The following SORCS1 variants were observed in gnomAD, a reference collection of about 807,000 sequenced individuals.
The protein encoded by SORCS1 is VPS10 domain-containing receptor SorCS1.
Under a neutral mutation model 146.1 loss-of-function variants are expected in SORCS1, and 60 were observed. The observed-to-expected ratio is 0.41, with a 90% CI of 0.33 to 0.51. SORCS1 has a LOEUF of 0.51. Ranked by LOEUF, SORCS1 falls within the 20% of genes least tolerant of loss-of-function variation. The pLI, the probability that SORCS1 is intolerant of heterozygous loss-of-function variation, is 0.21. For synonymous variants in SORCS1, 637 were observed against 584.0 expected, an observed-to-expected ratio of 1.09 and a Z score of -1.31; for missense variants, 1,352 against 1,487.6, an observed-to-expected ratio of 0.91 and a Z score of 1.50.
intron 2 of SORCS1, among the ~76,000 whole-genome samples, chr10:106,849,540 C>T (rs1429323836): frequency 2.0e-5 from 3 of 149,996 alleles, no homozygotes; most frequent in Admixed American, 2.0e-4. Flanking sequence ...AATGTCCTCC[C>T]GTAGCTCAGA....
chr10:107,143,417 T>A (rs1411134345), intron 1 of SORCS1, among the ~76,000 whole-genome samples: 1 of 152,120 alleles, frequency 6.6e-6, no homozygotes, highest in African/African-American at 2.4e-5. Flanking sequence ...AACTTACACC[T>A]CCAGGGCTCA....
intron 1 of SORCS1, among the ~76,000 whole-genome samples, chr10:107,161,991 A>G (rs1969744574): frequency 6.6e-6 from 1 of 152,148 alleles, no homozygotes; most frequent in African/African-American, 2.4e-5. Context: ...AACACTCATC[A>G]CCTCATTTCC....
intron 2 of SORCS1, among the ~76,000 whole-genome samples, chr10:106,876,460 A>T (rs1007473462): frequency 3.3e-5 from 5 of 152,190 alleles, no homozygotes; most frequent in Admixed American, 1.3e-4. Flanking sequence ...CAAGCACAGG[A>T]TCTAGAGATG....
At chr10:106,622,223 G>C (rs1218338469) in intron 19 of SORCS1, among the ~76,000 whole-genome samples, 1 of 142,708 alleles carries the variant, frequency 7.0e-6, no homozygotes, top group Non-Finnish European at 1.5e-5. Context: ...CCGGGAAGCA[G>C]AGGTTACGGT....
At chr10:106,762,625 C>A (rs1859222370) in intron 4 of SORCS1, among the ~76,000 whole-genome samples, 1 of 151,800 alleles carries the variant, frequency 6.6e-6, no homozygotes, top group African/African-American at 2.4e-5. Context: ...TCTCGATCTC[C>A]TGACCTCATG....
chr10:106,745,324 A>C (rs1857644695), intron 5 of SORCS1, among the ~76,000 whole-genome samples: 1 of 151,798 alleles, frequency 6.6e-6, no homozygotes. Flanking sequence ...AGGCAGGAGA[A>C]TGGGTGAACC....
chr10:106,904,621 T>G, intron 2 of SORCS1, among the ~76,000 whole-genome samples: 1 of 152,320 alleles, frequency 6.6e-6, no homozygotes, highest in African/African-American at 2.4e-5. Flanking sequence ...CACAAAGTCA[T>G]AAAAAGATGC....
chr10:106,601,108 G>T (rs1377015958), intron 23 of SORCS1, among the ~76,000 whole-genome samples: 2 of 152,154 alleles, frequency 1.3e-5, no homozygotes, highest in Non-Finnish European at 2.9e-5. Context: ...CTATAGAAAG[G>T]AGTAGAATAA....
intron 5 of SORCS1, among the ~76,000 whole-genome samples, chr10:106,749,835 C>T (rs983183279): frequency 1.7e-4 from 26 of 152,064 alleles, no homozygotes; most frequent in African/African-American, 5.1e-4. Context: ...AATGAGTATA[C>T]GAGGAAGATA....
At position 106,575,527 on chromosome 10, in the gene SORCS1, G is replaced by C. The variant is rs1844542044; in HGVS notation, c.*1893C>G. 1 of 152,094 alleles carries C rather than the reference G, an allele frequency of 6.6e-6. No homozygotes were observed. The highest frequency in any genetic ancestry group is 2.4e-5 in the African/African-American group (1 of 41,400). The allele number at this position is 152,094 out of a possible 1,614,324, so 9.4% of individuals were successfully genotyped here. The stretch of plus-strand genomic sequence containing the variant: ...CTTTGCCCAGTCCATAATACTAAAG[G>C]GGCCTCTGCTGAACAGGCTTTTGTT... On this transcript the variant is annotated 3_prime_UTR_variant, in exon 26 of 26. Coordinates refer to ENST00000263054, the MANE Select transcript of SORCS1 (RefSeq NM_052918.5).
chr10:106,944,835 CAA>C (rs398097189), intron 2 of SORCS1, among the ~76,000 whole-genome samples: 1 of 53,234 alleles, frequency 1.9e-5, no homozygotes, highest in South Asian at 7.8e-4. Context: ...ATGAAAGAAA[CAA>C]AGAGAGCTAT....
intron 3 of SORCS1, among the ~76,000 whole-genome samples, chr10:106,811,704 T>C (rs1277667098): frequency 2.0e-5 from 3 of 152,218 alleles, no homozygotes; most frequent in Admixed American, 2.0e-4. Context: ...AGCAGTACTC[T>C]GCTATAAATG....
At chr10:106,579,120 A>C (rs754826710) in intron 25 of SORCS1, 1 of 1,614,080 alleles carries the variant, frequency 6.2e-7, no homozygotes, top group South Asian at 1.1e-5. Context: ...CTTCTCATCT[A>C]TAAGCTGGCC....
intron 1 of SORCS1, among the ~76,000 whole-genome samples, chr10:107,142,242 G>C (rs1341290439): frequency 6.6e-6 from 1 of 152,136 alleles, no homozygotes; most frequent in Non-Finnish European, 1.5e-5. Context: ...GTGCCCAGGA[G>C]ATGCAGATTC....
At chr10:106,978,549 C>T (rs1956128325) in intron 1 of SORCS1, among the ~76,000 whole-genome samples, 1 of 152,090 alleles carries the variant, frequency 6.6e-6, no homozygotes, top group Non-Finnish European at 1.5e-5. Context: ...CCTGTAATCC[C>T]AGCACTTTGG....
chr10:106,578,952 G>A, intron 25 of SORCS1: 1 of 1,434,218 alleles, frequency 7.0e-7, no homozygotes, highest in Non-Finnish European at 9.1e-7. Context: ...GAGGAAGCAG[G>A]GAAAAAGCCA....
At chr10:106,906,271 C>T (rs778162822) in intron 2 of SORCS1, among the ~76,000 whole-genome samples, 6 of 152,118 alleles carry the variant, frequency 3.9e-5, no homozygotes, top group Non-Finnish European at 7.4e-5. Context: ...CCCACCACCA[C>T]GCCTGGCTAA....
chr10:106,758,789 A>G (rs1487234117), intron 5 of SORCS1, among the ~76,000 whole-genome samples: 1 of 152,240 alleles, frequency 6.6e-6, no homozygotes, highest in Non-Finnish European at 1.5e-5. Flanking sequence ...AGTAAGAGAC[A>G]GAGTTGAGAT....
intron 2 of SORCS1, among the ~76,000 whole-genome samples, chr10:106,833,777 T>C (rs1948666511): frequency 7.4e-6 from 1 of 134,962 alleles, no homozygotes; most frequent in South Asian, 2.4e-4. Flanking sequence ...GCAATTTCTT[T>C]CTTTTGTTAT....
Sources: gnomAD v4.1 joint callset for allele counts (sites outside exome capture counted in the v4.1 genomes callset) on GRCh38, gnomAD v4.1.1 for gene constraint, MANE v1.5 for transcripts, NCBI Gene and HGNC (gene_info 2026-07-23, HGNC 2026-07-21) for gene names.